ZNRF2: variants seen among roughly 807,000 people sequenced by gnomAD.
ZNRF2 encodes the protein zinc and ring finger 2.
Under a neutral mutation model 20.4 loss-of-function variants are expected in ZNRF2, and 16 were observed. The observed-to-expected ratio is 0.79, with a 90% CI of 0.53 to 1.19. The LOEUF (loss-of-function observed/expected upper bound fraction) is 1.19, where lower values mean the gene tolerates loss of function less well. ZNRF2 is among the 50% of genes most tolerant of loss of function. ZNRF2 has a pLI of 0.00. For synonymous variants in ZNRF2, 178 were observed against 144.9 expected, an observed-to-expected ratio of 1.23 and a Z score of -1.64; for missense variants, 363 against 332.4, an observed-to-expected ratio of 1.09 and a Z score of -0.72.
rs551301448 is a variant in ZNRF2 at position 30,299,996 on chromosome 7, G to T, written c.469+14170G>T. Among the ~76,000 whole-genome samples, 4 of 152,028 alleles carry T rather than the reference G, an allele frequency of 2.6e-5. 1 individual carries two copies. The highest frequency in any genetic ancestry group is 9.6e-5 in the African/African-American group (4 of 41,492). ...GACGGGGTTTTCACTGTGTTAGCCA[G>T]GATGGTCTTGATCTCCTGACCTCGT... On this transcript the variant is annotated intron_variant, in intron 1 of 4. Coordinates refer to ENST00000323037, the MANE Select transcript of ZNRF2 (RefSeq NM_147128.4).
chr7:30,324,388 GA>G (rs539452151), intron 2 of ZNRF2, among the ~76,000 whole-genome samples: 445 of 143,266 alleles, frequency 3.1e-3, no homozygotes, highest in African/African-American at 5.1e-3. Context: ...AAAAAAAAAA[GA>G]AAAAAAAAAA....
chr7:30,360,336 CCAT>C (rs1331468602), intron 3 of ZNRF2, among the ~76,000 whole-genome samples: 1 of 152,140 alleles, frequency 6.6e-6, no homozygotes, highest in Non-Finnish European at 1.5e-5. Context: ...TTGAAAATGT[CCAT>C]CAGTGAAAGA....
At chr7:30,327,208 G>C (rs1799566329) in intron 2 of ZNRF2, among the ~76,000 whole-genome samples, 2 of 152,078 alleles carry the variant, frequency 1.3e-5, no homozygotes, top group Non-Finnish European at 2.9e-5. Flanking sequence ...ATCTTTGCCT[G>C]TTCTTATGTC....
intron 1 of ZNRF2, among the ~76,000 whole-genome samples, chr7:30,295,103 T>C (rs1583566021): frequency 5.5e-5 from 3 of 54,764 alleles, no homozygotes; most frequent in African/African-American, 1.6e-4. Context: ...GTGTGTGTGA[T>C]TGCAGGTGTC....
At chr7:30,295,188 G>C (rs1184837160) in intron 1 of ZNRF2, among the ~76,000 whole-genome samples, 1 of 150,648 alleles carries the variant, frequency 6.6e-6, no homozygotes, top group Non-Finnish European at 1.5e-5. Flanking sequence ...AACTACATGC[G>C]ATCTTTCAGG....
chr7:30,287,963 G>C (rs971625769), intron 1 of ZNRF2, among the ~76,000 whole-genome samples: 4 of 152,186 alleles, frequency 2.6e-5, no homozygotes, highest in African/African-American at 9.7e-5. Flanking sequence ...TTATATGACA[G>C]GATCAGATGA....
At chr7:30,310,154 A>G (rs1799270784) in intron 1 of ZNRF2, among the ~76,000 whole-genome samples, 1 of 152,180 alleles carries the variant, frequency 6.6e-6, no homozygotes, top group South Asian at 2.1e-4. Flanking sequence ...GGTAAAATCT[A>G]CCAGGTGGGT....
At chr7:30,314,008 A>C (rs866242619) in intron 1 of ZNRF2, among the ~76,000 whole-genome samples, 6 of 152,196 alleles carry the variant, frequency 3.9e-5, no homozygotes, top group Non-Finnish European at 8.8e-5. Flanking sequence ...TTAGTTTTCC[A>C]TGAGAGCTGA....
chr7:30,284,714 C>T lies in ZNRF2; in HGVS notation c.-644C>T, dbSNP rs575750319. On this transcript the variant is annotated 5_prime_UTR_variant, in exon 1 of 5. Transcript: ENST00000323037. ...GCCTTCGCGGCCCAGATCCTCCCGC[C>T]AGCCCGGCCCCTCCTTCGCAGGGGG... The T allele has an allele frequency of 5.7e-3, 1,013 of 176,954 alleles. 16 individuals are homozygous for T. Among genetic ancestry groups the T allele is most frequent in the African/African-American group, 0.023 (971 of 41,668 alleles). The allele number at this position is 176,954 out of a possible 1,614,324, so 11.0% of individuals were successfully genotyped here.
At chr7:30,315,903 A>T (rs1028880647) in intron 1 of ZNRF2, among the ~76,000 whole-genome samples, 11 of 152,132 alleles carry the variant, frequency 7.2e-5, no homozygotes, top group African/African-American at 2.7e-4. Flanking sequence ...CACACTAATG[A>T]CTTTGGGGCT....
intron 1 of ZNRF2, among the ~76,000 whole-genome samples, chr7:30,319,474 CTG>C (rs1280201461): frequency 1.3e-5 from 2 of 152,156 alleles, no homozygotes; most frequent in Non-Finnish European, 2.9e-5. Flanking sequence ...GTCACCTAGT[CTG>C]TATGTAATAG....
intron 3 of ZNRF2, among the ~76,000 whole-genome samples, chr7:30,357,085 T>C (rs903524700): frequency 1.3e-5 from 2 of 152,162 alleles, no homozygotes; most frequent in African/African-American, 4.8e-5. Context: ...ACGCCTTTCA[T>C]TGAGTCAAGC....
chr7:30,320,588 G>A (rs1020746452), intron 1 of ZNRF2, among the ~76,000 whole-genome samples: 4 of 152,102 alleles, frequency 2.6e-5, no homozygotes, highest in Non-Finnish European at 5.9e-5. Flanking sequence ...AAACTCGGTG[G>A]TGCTGAGCCA....
chr7:30,305,278 C>T (rs888978202), intron 1 of ZNRF2, among the ~76,000 whole-genome samples: 1 of 152,152 alleles, frequency 6.6e-6, no homozygotes, highest in Non-Finnish European at 1.5e-5. Context: ...GTTTGAGATA[C>T]TGATTGTCTT....
chr7:30,302,251 G>A (rs917245887), intron 1 of ZNRF2, among the ~76,000 whole-genome samples: 4 of 152,152 alleles, frequency 2.6e-5, no homozygotes, highest in Non-Finnish European at 5.9e-5. Context: ...GCTGCACATG[G>A]CTTAAATGTT....
chr7:30,305,369 G>A (rs1006596764), intron 1 of ZNRF2, among the ~76,000 whole-genome samples: 6 of 152,096 alleles, frequency 3.9e-5, no homozygotes, highest in Non-Finnish European at 5.9e-5. Flanking sequence ...TAGGAAAATA[G>A]GTAACTATAC....
chr7:30,324,933 C>T (rs1799529171), intron 2 of ZNRF2, among the ~76,000 whole-genome samples: 1 of 152,186 alleles, frequency 6.6e-6, no homozygotes, highest in African/African-American at 2.4e-5. Context: ...AAACCCAAAA[C>T]TCTACCTATG....
At chr7:30,306,864 C>T (rs566073562) in intron 1 of ZNRF2, among the ~76,000 whole-genome samples, 1 of 152,218 alleles carries the variant, frequency 6.6e-6, no homozygotes, top group African/African-American at 2.4e-5. Context: ...ATTGATCACC[C>T]ACCTCTCAAT....
At chr7:30,356,054 C>A (rs1295753569) in intron 3 of ZNRF2, among the ~76,000 whole-genome samples, 4 of 152,160 alleles carry the variant, frequency 2.6e-5, no homozygotes, top group African/African-American at 4.8e-5. Flanking sequence ...TATGACCCAG[C>A]TGTTGTCCAT....
Sources: gnomAD v4.1 joint callset for allele counts (sites outside exome capture counted in the v4.1 genomes callset) on GRCh38, gnomAD v4.1.1 for gene constraint, MANE v1.5 for transcripts, NCBI Gene and HGNC (gene_info 2026-07-23, HGNC 2026-07-21) for gene names.